The following TAF4 variants were observed in gnomAD, a reference collection of about 807,000 sequenced individuals.
TAF4 encodes the protein TATA-box binding protein associated factor 4.
TAF4 carries 9 observed loss-of-function variants against 90.3 expected under a neutral mutation model. That is an observed-to-expected ratio of 0.10 (90% CI 0.06 to 0.17). The LOEUF is 0.17. Ranked by LOEUF, TAF4 falls within the 10% of genes least tolerant of loss-of-function variation. The probability of loss-of-function intolerance (pLI) is 1.00; values close to 1 mark genes in which losing one functional copy is unlikely to be tolerated. For synonymous variants in TAF4, 818 were observed against 638.9 expected, an observed-to-expected ratio of 1.28 and a Z score of -4.23; for missense variants, 1,351 against 1,370.7, an observed-to-expected ratio of 0.99 and a Z score of 0.23.
At chr20:62,041,977 A>G (rs6061405) in intron 1 of TAF4, among the ~76,000 whole-genome samples, 105,201 of 151,710 alleles carry the variant, frequency 0.69, 36,652 homozygotes, top group Middle Eastern at 0.78. Context: ...CTAATGATAC[A>G]GACAGGAGGC....
intron 1 of TAF4, among the ~76,000 whole-genome samples, chr20:62,036,213 T>C (rs956529428): frequency 6.6e-6 from 1 of 152,136 alleles, no homozygotes; most frequent in Non-Finnish European, 1.5e-5. Flanking sequence ...TTAGTAGAGA[T>C]GGAGTTTCAC....
rs1336742462 is a variant in TAF4 at position 62,052,316 on chromosome 20, CA to C, written c.1360+12134del. 2.6e-5 allele frequency among the ~76,000 whole-genome samples: 4 copies of C among 151,800 alleles called. 1 individual carries two copies. The highest frequency in any genetic ancestry group is 2.6e-4 in the Admixed American group (4 of 15,260). On this transcript the variant is annotated intron_variant, in intron 1 of 14. Transcript: ENST00000252996. The stretch of plus-strand genomic sequence containing the variant: ...GGCGCACTTTGTTTCCGCTATTGAG[CA>C]TGGCTCCAAGATCTCTCCTTAAAAT...
intron 1 of TAF4, among the ~76,000 whole-genome samples, chr20:62,017,808 T>A (rs1232803285): frequency 6.7e-6 from 1 of 150,338 alleles, no homozygotes; most frequent in Admixed American, 6.6e-5. Flanking sequence ...CACTCCAGCC[T>A]GGACGACAGA....
At chr20:62,039,953 C>T (rs1210736593) in intron 1 of TAF4, among the ~76,000 whole-genome samples, 3 of 152,146 alleles carry the variant, frequency 2.0e-5, no homozygotes, top group Non-Finnish European at 4.4e-5. Context: ...CATAATGGCA[C>T]GGCACCCATC....
At chr20:62,008,304 A>G in intron 5 of TAF4, 1 of 152,558 alleles carries the variant, frequency 6.6e-6, no homozygotes, top group Non-Finnish European at 1.5e-5. Flanking sequence ...CAGGCGGACA[A>G]GGAGAAGGCA....
intron 1 of TAF4, among the ~76,000 whole-genome samples, chr20:62,026,197 G>A (rs997995341): frequency 5.3e-5 from 8 of 152,106 alleles, no homozygotes; most frequent in African/African-American, 1.7e-4. Context: ...AGAACACTAG[G>A]AGCTGCCCGA....
rs749775997 is a variant in TAF4, at chr20:62,006,592, G to C, written c.2141C>G (p.Thr714Ser). The change falls in exon 7 of 15, where the codon ACC becomes AGC. Residue 714 changes from threonine (T) to serine (S), a missense_variant. Thr to Ser is a moderately conservative substitution (Grantham distance 58). Transcript: ENST00000252996. The surrounding 1 kb of genome is among the most constrained non-coding windows in gnomAD (Gnocchi z 7.0). Reference sequence around the variant, plus strand: ...GAGCACAGGGGGCTGGAGGGCACTGGTCACGGTGGCCGCCGTCTTCCCGGC... The same window carrying C: ...GAGCACAGGGGGCTGGAGGGCACTGCTCACGGTGGCCGCCGTCTTCCCGGC... ...RTAGKTAATV[T>S]SALQPPVLSL... 1.9e-6 allele frequency: 3 copies of C among 1,599,066 alleles called. No individual in the cohort carries two copies. The highest frequency in any genetic ancestry group is 3.4e-5 in the Admixed American group (2 of 58,794).
chr20:62,025,433 A>G (rs189590777), intron 1 of TAF4, among the ~76,000 whole-genome samples: 1 of 152,332 alleles, frequency 6.6e-6, no homozygotes, highest in East Asian at 1.9e-4. Context: ...ACCATGTGAT[A>G]TGGCTTGGCT....
At chr20:62,062,406 T>A (rs148258626) in intron 1 of TAF4, among the ~76,000 whole-genome samples, 37 of 152,338 alleles carry the variant, frequency 2.4e-4, no homozygotes, top group African/African-American at 8.2e-4. Context: ...TGATACTTTT[T>A]TTTTTTGCTT....
intron 1 of TAF4, among the ~76,000 whole-genome samples, chr20:62,059,591 GGCCTGCAGCCAAAA>G (rs1310403729): frequency 6.6e-6 from 1 of 152,172 alleles, no homozygotes; most frequent in Non-Finnish European, 1.5e-5. Flanking sequence ...GGCACAGAAG[GGCCTGCAGCCAAAA>G]GCCCCCTTTA....
chr20:61,997,288 C>A (rs1404094302), intron 14 of TAF4, among the ~76,000 whole-genome samples: 1 of 152,228 alleles, frequency 6.6e-6, no homozygotes, highest in Non-Finnish European at 1.5e-5. Flanking sequence ...AACTTCCCCA[C>A]ATCCTTTTCA....
intron 1 of TAF4, among the ~76,000 whole-genome samples, chr20:62,057,457 A>G (rs577740882): frequency 1.3e-5 from 2 of 152,364 alleles, no homozygotes; most frequent in African/African-American, 4.8e-5. Flanking sequence ...TTTCCTGACT[A>G]TTCGGAAATG....
chr20:61,999,206 C>G (rs1169074827), intron 11 of TAF4, 98 bp from the exon 12 acceptor site: 11 of 1,479,388 alleles, frequency 7.4e-6, no homozygotes, highest in Non-Finnish European at 8.3e-6. Flanking sequence ...ACAACGCCCT[C>G]CCTCCGTCCA....
At position 62,014,537 on chromosome 20, in the gene TAF4, G is replaced by A. The variant is rs1265838948; in HGVS notation, c.1521+10C>T. The stretch of plus-strand genomic sequence containing the variant: ...AAGGGGTTCGCACTCCAGGGCACAC[G>A]TGCACTCACCTGTACGGTGGAGATC... On this transcript the variant is annotated intron_variant, in intron 2 of 14. Transcript: ENST00000252996. The A allele has an allele frequency of 1.6e-5, 25 of 1,599,802 alleles. No homozygotes were observed. Among genetic ancestry groups the A allele is most frequent in the African/African-American group, 8.1e-5 (6 of 74,458 alleles).
rs1217169276 is a variant in TAF4 at position 62,065,543 on chromosome 20, G to A, written c.268C>T (p.Pro90Ser). The A allele has an allele frequency of 4.1e-6, 4 of 978,226 alleles. No individual in the cohort carries two copies. Among genetic ancestry groups the A allele is most frequent in the Non-Finnish European group, 4.8e-6 (4 of 826,952 alleles). The allele number at this position is 978,226 out of a possible 1,614,324, so 60.6% of individuals were successfully genotyped here. ...EGAPGAAPEP[P>S]PAGRARPGGG... Reference sequence around the variant, plus strand: ...CCCGGCCGCGCTCTACCTGCGGGGGGCGGCTCCGGCGCCGCTCCGGGCGCG... The same window carrying A: ...CCCGGCCGCGCTCTACCTGCGGGGGACGGCTCCGGCGCCGCTCCGGGCGCG... The change falls in exon 1 of 15, where the codon CCC becomes TCC. Residue 90 changes from proline (P) to serine (S), a missense_variant. Coordinates refer to ENST00000252996, the MANE Select transcript of TAF4 (RefSeq NM_003185.4).
chr20:62,053,102 C>G (rs562758640), intron 1 of TAF4, among the ~76,000 whole-genome samples: 5 of 152,298 alleles, frequency 3.3e-5, no homozygotes, highest in Middle Eastern at 3.4e-3. Context: ...ATGCCATCCC[C>G]AAGCCCAGCC....
intron 1 of TAF4, among the ~76,000 whole-genome samples, chr20:62,034,413 T>C (rs2055920997): frequency 6.6e-6 from 1 of 152,130 alleles, no homozygotes; most frequent in Non-Finnish European, 1.5e-5. Context: ...AGCCTCAAAC[T>C]CCTGGGCTCA....
At chr20:61,994,620 A>G (rs955971270) in intron 14 of TAF4, among the ~76,000 whole-genome samples, 3 of 152,172 alleles carry the variant, frequency 2.0e-5, no homozygotes, top group Admixed American at 6.5e-5. Flanking sequence ...GGTCACTGCT[A>G]GCATGTGGGC....
At chr20:61,987,121 C>T (rs1189880385) in intron 14 of TAF4, among the ~76,000 whole-genome samples, 1 of 152,218 alleles carries the variant, frequency 6.6e-6, no homozygotes, top group Non-Finnish European at 1.5e-5. Flanking sequence ...ACCTGCCTCC[C>T]AATCCAGTGC....
Sources: allele counts gnomAD v4.1 joint callset (sites outside exome capture counted in the v4.1 genomes callset), GRCh38; gene constraint gnomAD v4.1.1; non-coding constraint Gnocchi (gnomAD v3.1); transcripts MANE v1.5; gene names NCBI Gene and HGNC (gene_info 2026-07-23, HGNC 2026-07-21).